Variants in KCNQ1 observed in about 807,000 individuals in gnomAD.
The protein encoded by KCNQ1 is potassium voltage-gated channel subfamily KQT member 1.
In KCNQ1, 49 loss-of-function variants were observed where a neutral mutation model predicts 72.4. The ratio of observed to expected loss-of-function variants is 0.68; its 90% CI spans 0.54 to 0.86. The LOEUF is 0.86. Among genes scored for constraint, KCNQ1 ranks in the 40% least tolerant of loss-of-function variants. The pLI is 0.00. For synonymous variants in KCNQ1, 450 were observed against 412.6 expected, an observed-to-expected ratio of 1.09 and a Z score of -1.10; for missense variants, 790 against 945.1, an observed-to-expected ratio of 0.84 and a Z score of 2.15.
At chr11:2,718,383 G>A (rs892404485) in intron 11 of KCNQ1, among the ~76,000 whole-genome samples, 2 of 152,124 alleles carry the variant, frequency 1.3e-5, no homozygotes, top group Non-Finnish European at 2.9e-5. Flanking sequence ...CCACCTCAGG[G>A]CCCCTCCTGA....
rs1042197562 is a variant in KCNQ1, at chr11:2,830,810, T to A, written c.1795-16957T>A. Among the ~76,000 whole-genome samples the A allele has an allele frequency of 2.6e-5, 4 of 152,042 alleles. No homozygotes were observed. The highest frequency in any genetic ancestry group is 7.3e-5 in the African/African-American group (3 of 41,378). ...AGAGCCACACACCTGGGCCTTCCCC[T>A]CTCCCCATCATCAGGTAACCCAGCA... On this transcript the variant is annotated intron_variant, in intron 15 of 15. Coordinates refer to ENST00000155840, the MANE Select transcript of KCNQ1 (RefSeq NM_000218.3). The surrounding 1 kb of genome is among the most constrained non-coding windows in gnomAD (Gnocchi z 7.7).
chr11:2,844,184 G>A (rs533247925), intron 15 of KCNQ1, among the ~76,000 whole-genome samples: 4 of 152,304 alleles, frequency 2.6e-5, no homozygotes, highest in South Asian at 4.1e-4. Context: ...TCAGGGACAC[G>A]TGCTGTGACA....
intron 10 of KCNQ1, among the ~76,000 whole-genome samples, chr11:2,591,762 GAGA>G (rs1848673786): frequency 6.6e-6 from 1 of 152,258 alleles, no homozygotes. Flanking sequence ...CTCCTCCACG[GAGA>G]AGATTTCTCT....
In KCNQ1 at chr11:2,669,907, G is replaced by C; in HGVS notation, c.1514+7826G>C. ...CTTAATAAGATGTGCCTAGAGGCCT[G>C]AGAGTCCCAAGCTCCAGGACAGTCT... On this transcript the variant is annotated intron_variant, in intron 11 of 15. Transcript: ENST00000155840. This position sits in a 1 kb window ranked among gnomAD's most constrained non-coding sequence, Gnocchi z 5.6. 2.5e-6 allele frequency: 1 copy of C among 398,630 alleles called. No homozygotes were observed. Among genetic ancestry groups the C allele is most frequent in the Non-Finnish European group, 4.4e-6 (1 of 226,086 alleles). 24.7% of individuals were successfully genotyped at this position (398,630 alleles called of 1,614,324 possible).
chr11:2,614,396 C>T (rs1004825074), intron 10 of KCNQ1: 16 of 398,360 alleles, frequency 4.0e-5, no homozygotes, highest in African/African-American at 3.3e-4. Context: ...ATGTACAATT[C>T]AGTGTCACTT....
Position 2,657,580 on chromosome 11 carries a change from C to A in KCNQ1, c.1394-4381C>A. ...CCCTAATGTTAGCATCTTATATAAC[C>A]ATGGTACATTGACCAAAACTAAAAA... On this transcript the variant is annotated intron_variant, in intron 10 of 15. Transcript: ENST00000155840. This position sits in a 1 kb window ranked among gnomAD's most constrained non-coding sequence, Gnocchi z 4.8. The A allele has an allele frequency of 2.5e-6, 1 of 398,576 alleles. No individual in the cohort carries two copies. Among genetic ancestry groups the A allele is most frequent in the East Asian group, 3.6e-5 (1 of 28,060 alleles). The allele number at this position is 398,576 out of a possible 1,614,324, so 24.7% of individuals were successfully genotyped here. A position where few individuals can be genotyped will look rare whatever the true frequency, so the allele number is the denominator to read the frequency against.
At chr11:2,777,521 C>T (rs920598775) in intron 14 of KCNQ1, 26 of 535,152 alleles carry the variant, frequency 4.9e-5, no homozygotes, top group South Asian at 3.8e-4. Context: ...TGAGTCATTC[C>T]GGGGAATGAC....
At chr11:2,631,933 A>G in intron 10 of KCNQ1, 1 of 397,378 alleles carries the variant, frequency 2.5e-6, no homozygotes, top group Non-Finnish European at 4.4e-6. Flanking sequence ...CTGTAATCCC[A>G]GCACTTTGGG....
chr11:2,697,565 C>T (rs1010961908), intron 11 of KCNQ1: 9 of 398,502 alleles, frequency 2.3e-5, no homozygotes, highest in Non-Finnish European at 8.8e-6. Context: ...TACTCCACTA[C>T]CCCAAAATCA....
chr11:2,454,054 G>T (rs1285969967), intron 1 of KCNQ1, among the ~76,000 whole-genome samples: 1 of 152,054 alleles, frequency 6.6e-6, no homozygotes, highest in Non-Finnish European at 1.5e-5. Flanking sequence ...ACAGGTATGA[G>T]CCACCACACC....
chr11:2,574,044 C>T (rs1231783597), intron 6 of KCNQ1, among the ~76,000 whole-genome samples: 1 of 152,152 alleles, frequency 6.6e-6, no homozygotes, highest in Admixed American at 6.5e-5. Context: ...TGAAAGTCGG[C>T]GTTTATATAT....
intron 10 of KCNQ1, among the ~76,000 whole-genome samples, chr11:2,596,552 C>A (rs1116714): frequency 0.26 from 39,210 of 150,496 alleles, 7,690 homozygotes; most frequent in African/African-American, 0.54. Context: ...AATATGGATA[C>A]ATTGCAACAT....
chr11:2,499,587 AATACAC>A (rs1384065075), intron 1 of KCNQ1, among the ~76,000 whole-genome samples: 1 of 151,472 alleles, frequency 6.6e-6, no homozygotes, highest in Non-Finnish European at 1.5e-5. Flanking sequence ...AACCTATAAA[AATACAC>A]ATAGACTGAA....
At chr11:2,556,759 C>T (rs1006607889) in intron 2 of KCNQ1, among the ~76,000 whole-genome samples, 8 of 152,132 alleles carry the variant, frequency 5.3e-5, no homozygotes, top group African/African-American at 1.9e-4. Flanking sequence ...TTAGGGAGCC[C>T]ACTACAGTGG....
Position 2,651,020 on chromosome 11 carries a change from T to G in KCNQ1, c.1394-10941T>G. On this transcript the variant is annotated intron_variant, in intron 10 of 15. Coordinates refer to ENST00000155840, the MANE Select transcript of KCNQ1 (RefSeq NM_000218.3). This position sits in a 1 kb window ranked among gnomAD's most constrained non-coding sequence, Gnocchi z 6.1. ...TGCCCACACCTAGTCTCTCCAGCTATCTCCCTGGTTAAAACCACCACCATT... is the reference window on the plus strand; with the variant it reads ...TGCCCACACCTAGTCTCTCCAGCTAGCTCCCTGGTTAAAACCACCACCATT... The G allele has an allele frequency of 2.5e-6, 1 of 398,766 alleles. No individual in the cohort carries two copies. Among genetic ancestry groups the G allele is most frequent in the East Asian group, 3.6e-5 (1 of 28,090 alleles). 24.7% of individuals were successfully genotyped at this position (398,766 alleles called of 1,614,324 possible). A position where few individuals can be genotyped will look rare whatever the true frequency, so the allele number is the denominator to read the frequency against.
chr11:2,635,394 A>G (rs1289315238), intron 10 of KCNQ1: 1 of 152,140 alleles, frequency 6.6e-6, no homozygotes, highest in Non-Finnish European at 1.5e-5. Context: ...TCAGCTTTCT[A>G]CATATGGCTA....
rs530320389 is a variant in KCNQ1, at chr11:2,662,981, G to A, written c.1514+900G>A. On this transcript the variant is annotated intron_variant, in intron 11 of 15. Coordinates refer to ENST00000155840, the MANE Select transcript of KCNQ1 (RefSeq NM_000218.3). ...GCCTCCTGCCTTTGCAGCCAGCCAG[G>A]TGCAAGGCCTGGCCTTGCAAATCAC... The A allele has an allele frequency of 3.7e-4, 147 of 398,734 alleles. No individual in the cohort carries two copies. The East Asian group carries it at 5.2e-3, about 14-fold the overall frequency. 24.7% of individuals were successfully genotyped at this position (398,734 alleles called of 1,614,324 possible).
At chr11:2,534,874 A>G (rs1413654005) in intron 2 of KCNQ1, among the ~76,000 whole-genome samples, 2 of 152,240 alleles carry the variant, frequency 1.3e-5, no homozygotes, top group African/African-American at 4.8e-5. Context: ...CAAGCAGCCC[A>G]TGGGCTCATG....
Position 2,733,857 on chromosome 11 carries a change from C to CTCTCTCTCTCTCT in KCNQ1, c.1515-34987_1515-34986insTCTCTCTCTCTCT, listed in dbSNP as rs147278439. 1.4e-3 allele frequency among the ~76,000 whole-genome samples: 107 copies of CTCTCTCTCTCTCT among 76,306 alleles called. 4 individuals are homozygous for CTCTCTCTCTCTCT. Among genetic ancestry groups the CTCTCTCTCTCTCT allele is most frequent in the South Asian group, 2.0e-3 (5 of 2,502 alleles). The allele number at this position is 76,306 out of a possible 152,430, so 50.1% of individuals were successfully genotyped here. On this transcript the variant is annotated intron_variant, in intron 11 of 15. Coordinates refer to ENST00000155840, the MANE Select transcript of KCNQ1 (RefSeq NM_000218.3). ...TCTCTCTCTCTCTCTCTCTCTCTCT[C>CTCTCTCTCTCTCT]CCCCCCCACTTCAGGGCCTTCGCGC...
Sources: gnomAD v4.1 joint callset for allele counts (sites outside exome capture counted in the v4.1 genomes callset) on GRCh38, gnomAD v4.1.1 for gene constraint, Gnocchi (gnomAD v3.1) non-coding constraint, MANE v1.5 for transcripts, NCBI Gene and HGNC (gene_info 2026-07-23, HGNC 2026-07-21) for gene names.